Variants in TG observed in about 807,000 individuals in gnomAD.
The protein encoded by TG is thyroid hormones.
A neutral mutation model predicts 324.7 loss-of-function variants in TG; 270 were observed. The observed-to-expected ratio is 0.83, with a 90% confidence interval of 0.75 to 0.92. The LOEUF is 0.92. Ranked by LOEUF, TG falls within the 40% of genes least tolerant of loss-of-function variation. The pLI, the probability that TG is intolerant of heterozygous loss-of-function variation, is 0.00. For synonymous variants in TG, 1,401 were observed against 1,327.0 expected, an observed-to-expected ratio of 1.06 and a Z score of -1.21; for missense variants, 3,591 against 3,456.4, an observed-to-expected ratio of 1.04 and a Z score of -0.98.
intron 43 of TG, among the ~76,000 whole-genome samples, chr8:133,110,881 A>T (rs1468024159): frequency 2.6e-5 from 4 of 152,140 alleles, no homozygotes; most frequent in African/African-American, 9.7e-5. Flanking sequence ...GCCCGCACCC[A>T]CGAACAACCA....
chr8:132,913,054 C>T lies in TG; in HGVS notation c.4167C>T (p.Ala1389=), dbSNP rs771298172. The T allele has an allele frequency of 6.2e-7, 1 of 1,614,124 alleles. No homozygotes were observed. Among genetic ancestry groups the T allele is most frequent in the Non-Finnish European group, 8.5e-7 (1 of 1,180,008 alleles). The change falls in exon 20 of 48, where the codon GCC becomes GCT. Residue 1389 remains alanine (A), a synonymous_variant. Transcript: ENST00000220616. ...SLPDLHDIER[A]LVGKDLLGRF... is the part of the protein sequence containing the mutation. ...TTATCCTGTGTCTTACAGAGAGAGC[C>T]TTGGTGGGCAAGGATCTCCTTGGGC...
intron 43 of TG, among the ~76,000 whole-genome samples, chr8:133,107,311 A>G (rs1292233718): frequency 1.3e-5 from 2 of 152,226 alleles, no homozygotes; most frequent in East Asian, 1.9e-4. Context: ...GGCCCTGCTC[A>G]GTCCCTCGGT....
intron 14 of TG, 46 bp downstream of exon 14, chr8:132,898,956 T>C (rs960214793): frequency 1.2e-5 from 18 of 1,500,864 alleles, no homozygotes; most frequent in Non-Finnish European, 1.7e-5. Context: ...TTGTCCCCGC[T>C]GGTCAGAGAT....
At chr8:132,869,978 T>C (rs749237330) in intron 3 of TG, 152 bp downstream of exon 3, 10 of 662,342 alleles carry the variant, frequency 1.5e-5, no homozygotes, top group Non-Finnish European at 2.4e-5. Flanking sequence ...CTGCAAGCCA[T>C]GGAAGGCCCT....
intron 41 of TG, among the ~76,000 whole-genome samples, chr8:133,083,026 A>G (rs1315963847): frequency 6.6e-6 from 1 of 152,228 alleles, no homozygotes; most frequent in African/African-American, 2.4e-5. Flanking sequence ...CGTGGGGCAG[A>G]CATGGAGGGA....
At position 132,983,430 on chromosome 8, in the gene TG, T is replaced by A; in HGVS notation, c.6262+18T>A. 1.9e-6 allele frequency: 3 copies of A among 1,611,410 alleles called. No homozygotes were observed. The highest frequency in any genetic ancestry group is 2.5e-6 in the Non-Finnish European group (3 of 1,177,474). ...AGAGAAAGGTAAGTTCATTGTCTTT[T>A]TATCTCTTGGATGAGAGTACCCCCT... is the stretch of plus-strand genomic sequence containing the variant. On this transcript the variant is annotated intron_variant, in intron 35 of 47. Coordinates refer to ENST00000220616, the MANE Select transcript of TG (RefSeq NM_003235.5).
At chr8:133,035,859 T>C (rs565943040) in intron 41 of TG, among the ~76,000 whole-genome samples, 1 of 152,342 alleles carries the variant, frequency 6.6e-6, no homozygotes, top group South Asian at 2.1e-4. Context: ...CAGCATGATC[T>C]TTTAAACATA....
intron 34 of TG, among the ~76,000 whole-genome samples, chr8:132,977,589 G>GCAGAAGCAAGTCACATCTTA (rs1185262053): frequency 6.6e-6 from 1 of 152,128 alleles, no homozygotes; most frequent in African/African-American, 2.4e-5. Context: ...CGGAAGGCAA[G>GCAGAAGCAAGTCACATCTTA]CAGAAGCAAG....
intron 21 of TG, 94 bp from the exon 22 acceptor site, chr8:132,923,244 T>C (rs1162230062): frequency 3.6e-6 from 5 of 1,379,114 alleles, no homozygotes; most frequent in African/African-American, 1.4e-5. Flanking sequence ...GATGTGTGAC[T>C]TGGACACCTT....
At chr8:133,018,832 A>G (rs746712849) in intron 38 of TG, among the ~76,000 whole-genome samples, 2 of 152,054 alleles carry the variant, frequency 1.3e-5, no homozygotes, top group African/African-American at 2.4e-5. Flanking sequence ...TGGGCCCATT[A>G]CTAGATAGAG....
intron 41 of TG, chr8:133,049,927 T>A (rs779014671): frequency 1.9e-6 from 3 of 1,612,876 alleles, no homozygotes; most frequent in Non-Finnish European, 2.5e-6. Flanking sequence ...GCCACACATA[T>A]TCCAGGGATG....
At chr8:133,113,899 C>T (rs1003885091) in intron 44 of TG, among the ~76,000 whole-genome samples, 1 of 152,194 alleles carries the variant, frequency 6.6e-6, no homozygotes, top group Non-Finnish European at 1.5e-5. Context: ...GAAGCACTTG[C>T]CAGAAGTGCC....
intron 41 of TG, among the ~76,000 whole-genome samples, chr8:133,063,166 T>C (rs4736621): frequency 0.19 from 29,145 of 151,346 alleles, 3,027 homozygotes; most frequent in Admixed American, 0.23. Context: ...AATGCCTTCC[T>C]GTCCTTTCAG....
intron 45 of TG, among the ~76,000 whole-genome samples, chr8:133,122,746 A>G (rs907084180): frequency 2.6e-5 from 4 of 152,160 alleles, no homozygotes; most frequent in African/African-American, 7.2e-5. Context: ...GTGTGAGTGT[A>G]TGCATGTATG....
chr8:133,021,969 C>T, intron 39 of TG, 22 bp from the exon 40 acceptor site: 1 of 1,614,114 alleles, frequency 6.2e-7, no homozygotes, highest in East Asian at 2.2e-5. Context: ...ACTTTAGCCT[C>T]ATGTTTCTCC....
chr8:132,980,347 T>A (rs915852074), intron 34 of TG, among the ~76,000 whole-genome samples: 2 of 152,202 alleles, frequency 1.3e-5, no homozygotes, highest in African/African-American at 4.8e-5. Context: ...TACTCATATG[T>A]GATGGAACCT....
At chr8:132,896,197 A>G (rs1158253149) in intron 11 of TG, among the ~76,000 whole-genome samples, 2 of 152,236 alleles carry the variant, frequency 1.3e-5, no homozygotes, top group African/African-American at 4.8e-5. Flanking sequence ...CCCATTCCAT[A>G]GATGAGGAAA....
chr8:133,094,912 C>A, intron 41 of TG, 132 bp from the exon 42 acceptor site: 1 of 1,185,292 alleles, frequency 8.4e-7, no homozygotes, highest in Non-Finnish European at 1.3e-6. Flanking sequence ...TTGTGTGCAG[C>A]CCCAGAATGG....
chr8:133,103,329 T>C (rs1849496926), intron 43 of TG, among the ~76,000 whole-genome samples: 2 of 152,056 alleles, frequency 1.3e-5, no homozygotes, highest in Admixed American at 6.6e-5. Flanking sequence ...GCCCTGTAGG[T>C]CTCATGGCTC....
Sources: gnomAD v4.1 joint callset for allele counts (sites outside exome capture counted in the v4.1 genomes callset) on GRCh38, gnomAD v4.1.1 for gene constraint, MANE v1.5 for transcripts, NCBI Gene and HGNC (gene_info 2026-07-23, HGNC 2026-07-21) for gene names.